Variants in XPO4 observed in about 807,000 individuals in gnomAD.
XPO4 encodes exportin 4, also known as exportin-4.
A neutral mutation model predicts 143.0 loss-of-function variants in XPO4; 39 were observed. That is an observed-to-expected ratio of 0.27 (90% CI 0.21 to 0.36). The LOEUF is 0.36. XPO4 is among the 10% of genes least tolerant of loss of function. XPO4 has a pLI of 1.00. For synonymous variants in XPO4, 439 were observed against 474.0 expected (o/e 0.93, Z 0.96); for missense variants, 907 against 1,348.0 (o/e 0.67, Z 5.12).
At chr13:20,862,956 A>G (rs2060215318) in intron 2 of XPO4, 98 bp from the exon 3 acceptor site, 6 of 1,553,766 alleles carry the variant, frequency 3.9e-6, no homozygotes, top group Non-Finnish European at 4.3e-6. Context: ...CAGACAAGGA[A>G]TAAGATGGTT....
intron 9 of XPO4, among the ~76,000 whole-genome samples, chr13:20,819,639 G>A (rs1304921447): frequency 1.3e-5 from 2 of 151,530 alleles, no homozygotes; most frequent in East Asian, 1.9e-4. Flanking sequence ...CAGCCTGGGC[G>A]ACAGAGCGAG....
At chr13:20,801,872 T>A (rs2059438605) in intron 13 of XPO4, among the ~76,000 whole-genome samples, 1 of 152,100 alleles carries the variant, frequency 6.6e-6, no homozygotes, top group African/African-American at 2.4e-5. Context: ...GTGTTTCAGT[T>A]CTTTACCCCA....
intron 9 of XPO4, among the ~76,000 whole-genome samples, chr13:20,814,208 A>G (rs2059619551): frequency 6.6e-6 from 1 of 152,012 alleles, no homozygotes; most frequent in African/African-American, 2.4e-5. Flanking sequence ...AAAAAAAAAA[A>G]AAGCAGGATA....
intron 1 of XPO4, among the ~76,000 whole-genome samples, chr13:20,901,585 C>T (rs1419555747): frequency 1.3e-5 from 2 of 152,160 alleles, no homozygotes; most frequent in Admixed American, 1.3e-4. Context: ...CATAATGAAG[C>T]AAGTAAATCC....
chr13:20,802,895 T>C (rs1049442828), intron 13 of XPO4, among the ~76,000 whole-genome samples: 4 of 152,178 alleles, frequency 2.6e-5, no homozygotes, highest in Non-Finnish European at 5.9e-5. Context: ...CAATATAAAT[T>C]TGAATAAATT....
intron 20 of XPO4, 144 bp from the exon 21 acceptor site, chr13:20,787,742 G>T: frequency 1.5e-6 from 1 of 651,900 alleles, no homozygotes; most frequent in Non-Finnish European, 2.6e-6. Context: ...TATCTTCACT[G>T]AGTTATATAA....
rs144527248 is a variant in XPO4, at chr13:20,815,468, T to C, written c.1174-5501A>G. Among the ~76,000 whole-genome samples, 13 of 152,274 alleles carry C rather than the reference T, an allele frequency of 8.5e-5. No homozygotes were observed. In the East Asian group the frequency reaches 2.5e-3, roughly 29 times the overall value. ...GTGGACTCAGAACTGCTCTAAAATA[T>C]AAAAAGTCTTTATCTATATTTATAT... On this transcript the variant is annotated intron_variant, in intron 9 of 22. Coordinates refer to ENST00000255305, the MANE Select transcript of XPO4 (RefSeq NM_022459.5).
At chr13:20,822,338 G>A (rs2059731040) in intron 7 of XPO4, 49 bp from the exon 8 acceptor site, 1 of 1,535,008 alleles carries the variant, frequency 6.5e-7, no homozygotes, top group Non-Finnish European at 8.8e-7. Context: ...TCCTTTGTAA[G>A]GGTCACGTGT....
At chr13:20,808,074 T>G (rs2059530464) in intron 12 of XPO4, among the ~76,000 whole-genome samples, 1 of 152,180 alleles carries the variant, frequency 6.6e-6, no homozygotes, top group South Asian at 2.1e-4. Flanking sequence ...TAGATTTACA[T>G]TCTGGCTCTA....
intron 6 of XPO4, among the ~76,000 whole-genome samples, chr13:20,839,673 C>T (rs927958689): frequency 3.3e-5 from 5 of 151,918 alleles, no homozygotes; most frequent in Admixed American, 6.6e-5. Flanking sequence ...TCCATCTCCA[C>T]AAAAATTAAA....
At chr13:20,844,203 G>A (rs2060007636) in intron 4 of XPO4, among the ~76,000 whole-genome samples, 1 of 152,092 alleles carries the variant, frequency 6.6e-6, no homozygotes, top group Non-Finnish European at 1.5e-5. Flanking sequence ...AAATGTTGAA[G>A]GTATTATTTT....
intron 1 of XPO4, among the ~76,000 whole-genome samples, chr13:20,894,521 A>C (rs1188603300): frequency 6.6e-6 from 1 of 152,182 alleles, no homozygotes; most frequent in East Asian, 1.9e-4. Context: ...ATTGCAGGAC[A>C]TTCAAGGAAG....
intron 18 of XPO4, among the ~76,000 whole-genome samples, chr13:20,795,116 C>A (rs939400964): frequency 3.3e-5 from 5 of 151,850 alleles, no homozygotes; most frequent in Non-Finnish European, 1.5e-5. Context: ...TATTATAGCA[C>A]CCAACTTAGA....
intron 15 of XPO4, 43 bp downstream of exon 15, chr13:20,800,113 C>T: frequency 3.1e-6 from 5 of 1,598,190 alleles, no homozygotes; most frequent in Non-Finnish European, 3.4e-6. Flanking sequence ...AGTTTCTCAC[C>T]CACACACATA....
chr13:20,875,467 T>C (rs1023675815), intron 1 of XPO4, among the ~76,000 whole-genome samples: 1 of 152,296 alleles, frequency 6.6e-6, no homozygotes, highest in South Asian at 2.1e-4. Flanking sequence ...TAAGCTCCTT[T>C]ACATATCTTC....
At chr13:20,872,629 C>T (rs1383744614) in intron 1 of XPO4, among the ~76,000 whole-genome samples, 4 of 152,182 alleles carry the variant, frequency 2.6e-5, no homozygotes, top group African/African-American at 9.7e-5. Flanking sequence ...ATCCTAACAA[C>T]TCTATGGGAG....
At chr13:20,883,017 C>T (rs536473457) in intron 1 of XPO4, among the ~76,000 whole-genome samples, 112 of 152,254 alleles carry the variant, frequency 7.4e-4, no homozygotes, top group African/African-American at 2.7e-3. Flanking sequence ...CCAGTGCTTC[C>T]TTTTTCCCAC....
intron 9 of XPO4, among the ~76,000 whole-genome samples, chr13:20,810,381 C>T (rs911723673): frequency 6.6e-6 from 1 of 152,006 alleles, no homozygotes; most frequent in Non-Finnish European, 1.5e-5. Flanking sequence ...TGCTCCTTAA[C>T]AAGAAATAAC....
chr13:20,849,477 CT>C (rs2060062443), intron 4 of XPO4: 2 of 984,416 alleles, frequency 2.0e-6, no homozygotes, highest in Non-Finnish European at 2.4e-6. Context: ...AAAATTTTAG[CT>C]TAAAATAAAA....
Sources: gnomAD v4.1 joint callset for allele counts (sites outside exome capture counted in the v4.1 genomes callset) on GRCh38, gnomAD v4.1.1 for gene constraint, MANE v1.5 for transcripts, NCBI Gene and HGNC (gene_info 2026-07-23, HGNC 2026-07-21) for gene names.